Variants in NEMP2 observed in about 807,000 individuals in gnomAD.
The protein encoded by NEMP2 is nuclear envelope integral membrane protein 2.
In NEMP2, 53 loss-of-function variants were observed where a neutral mutation model predicts 54.2. That is an observed-to-expected ratio of 0.98 (90% confidence interval 0.78 to 1.23). The LOEUF is 1.23. Among genes scored for constraint, NEMP2 ranks in the 50% most tolerant of loss-of-function variants. The pLI, the probability that NEMP2 is intolerant of heterozygous loss-of-function variation, is 0.00. For synonymous variants in NEMP2, 197 were observed against 190.3 expected (o/e 1.04, Z -0.29); for missense variants, 455 against 511.3 (o/e 0.89, Z 1.06).
At chr2:190,627,929 G>C in the NEMP2 span, 2 of 152,138 alleles carry the variant, frequency 1.3e-5, no homozygotes, top group Non-Finnish European at 2.9e-5. The surrounding 1 kb of genome is among the most constrained non-coding windows in gnomAD (Gnocchi z 4.4). Context: ...AGACTGCATC[G>C]CGCAGGCCAC....
chr2:190,609,747 AG>A, the NEMP2 span: 2 of 152,230 alleles, frequency 1.3e-5, no homozygotes, highest in African/African-American at 4.8e-5. The surrounding 1 kb of genome is among the most constrained non-coding windows in gnomAD (Gnocchi z 4.7). Context: ...ATTTATCACA[AG>A]ATCATAGGGA....
the NEMP2 span, chr2:190,469,442 TA>T: frequency 6.3e-6 from 1 of 158,676 alleles, no homozygotes; most frequent in Non-Finnish European, 1.4e-5. The surrounding 1 kb of genome is among the most constrained non-coding windows in gnomAD (Gnocchi z 5.3). Context: ...CAGACTATCT[TA>T]AAAAAGCATC....
chr2:190,622,955 A>G, the NEMP2 span, among the ~76,000 whole-genome samples: 1 of 152,164 alleles, frequency 6.6e-6, no homozygotes, highest in Admixed American at 6.5e-5. Flanking sequence ...TCCACCAAAA[A>G]ACTAGAACAG....
the NEMP2 span, among the ~76,000 whole-genome samples, chr2:190,640,298 C>A: frequency 6.6e-6 from 1 of 152,096 alleles, no homozygotes; most frequent in Non-Finnish European, 1.5e-5. Flanking sequence ...GGACATGTTG[C>A]AACTCTTGGT....
the NEMP2 span, among the ~76,000 whole-genome samples, chr2:190,458,337 A>C: frequency 6.6e-6 from 1 of 152,110 alleles, no homozygotes; most frequent in Non-Finnish European, 1.5e-5. This position sits in a 1 kb window ranked among gnomAD's most constrained non-coding sequence, Gnocchi z 5.3. Context: ...TGTCCTCGTG[A>C]GAAGAGATTG....
chr2:190,510,938 ACTT>A lies in NEMP2; in HGVS notation c.954-404_954-402del, dbSNP rs1039271763. ...TTTCTTAGATGGTAACAGTAATAATACTTCTTAACTTCCTCTATATCATATCTA... is the reference window on the plus strand; with the variant it reads ...TTTCTTAGATGGTAACAGTAATAATACTTAACTTCCTCTATATCATATCTA... On this transcript the variant is annotated intron_variant, in intron 7 of 8. Coordinates refer to ENST00000409150, the MANE Select transcript of NEMP2 (RefSeq NM_001142645.2). The surrounding 1 kb of genome is among the most constrained non-coding windows in gnomAD (Gnocchi z 5.7). 2.0e-5 allele frequency among the ~76,000 whole-genome samples: 3 copies of A among 152,102 alleles called. No homozygotes were observed. Among genetic ancestry groups the A allele is most frequent in the African/African-American group, 7.2e-5 (3 of 41,422 alleles).
chr2:190,562,625 G>A, the NEMP2 span, among the ~76,000 whole-genome samples: 34 of 152,044 alleles, frequency 2.2e-4, no homozygotes, highest in African/African-American at 6.8e-4. This position sits in a 1 kb window ranked among gnomAD's most constrained non-coding sequence, Gnocchi z 5.0. Flanking sequence ...GCAAAATATG[G>A]GAAAATATGT....
the NEMP2 span, among the ~76,000 whole-genome samples, chr2:190,499,285 G>A: frequency 6.6e-6 from 1 of 152,136 alleles, no homozygotes; most frequent in Non-Finnish European, 1.5e-5. This position sits in a 1 kb window ranked among gnomAD's most constrained non-coding sequence, Gnocchi z 6.0. Context: ...TAGAATCACA[G>A]AAATGAACAT....
chr2:190,564,129 T>A, the NEMP2 span, among the ~76,000 whole-genome samples: 1 of 152,244 alleles, frequency 6.6e-6, no homozygotes, highest in Non-Finnish European at 1.5e-5. The surrounding 1 kb of genome is among the most constrained non-coding windows in gnomAD (Gnocchi z 4.2). Flanking sequence ...ATATGCCACA[T>A]GGTGTGAACA....
chr2:190,431,375 G>A, the NEMP2 span, among the ~76,000 whole-genome samples: 1 of 152,234 alleles, frequency 6.6e-6, no homozygotes, highest in Non-Finnish European at 1.5e-5. The surrounding 1 kb of genome is among the most constrained non-coding windows in gnomAD (Gnocchi z 4.4). Flanking sequence ...GGAGGTTGTA[G>A]CGAGCCGAGA....
At chr2:190,526,256 A>G (rs1195973065) in intron 1 of NEMP2, among the ~76,000 whole-genome samples, 4 of 152,146 alleles carry the variant, frequency 2.6e-5, no homozygotes, top group Non-Finnish European at 5.9e-5. Flanking sequence ...GGGTACCTCA[A>G]CCTGTCTCTC....
the NEMP2 span, among the ~76,000 whole-genome samples, chr2:190,468,863 CAG>C: frequency 5.3e-5 from 8 of 152,018 alleles, no homozygotes; most frequent in African/African-American, 1.9e-4. Context: ...ATTCAGAAAA[CAG>C]AGCATTAAGG....
the NEMP2 span, among the ~76,000 whole-genome samples, chr2:190,465,231 G>T: frequency 6.6e-6 from 1 of 152,140 alleles, no homozygotes; most frequent in Non-Finnish European, 1.5e-5. This position sits in a 1 kb window ranked among gnomAD's most constrained non-coding sequence, Gnocchi z 4.6. Context: ...GTTTTCTGCT[G>T]CATCATTTGC....
chr2:190,595,723 G>A, the NEMP2 span, among the ~76,000 whole-genome samples: 1 of 152,258 alleles, frequency 6.6e-6, no homozygotes, highest in South Asian at 2.1e-4. This position sits in a 1 kb window ranked among gnomAD's most constrained non-coding sequence, Gnocchi z 4.0. Flanking sequence ...CAGTTAGAAT[G>A]GTGATCATTA....
intron 4 of NEMP2, among the ~76,000 whole-genome samples, chr2:190,518,113 T>G (rs1460890756): frequency 6.6e-6 from 1 of 152,150 alleles, no homozygotes; most frequent in East Asian, 1.9e-4. Context: ...TGAACAATGT[T>G]AAGAATAGCT....
chr2:190,630,551 C>T, the NEMP2 span, among the ~76,000 whole-genome samples: 1 of 152,146 alleles, frequency 6.6e-6, no homozygotes, highest in Non-Finnish European at 1.5e-5. The surrounding 1 kb of genome is among the most constrained non-coding windows in gnomAD (Gnocchi z 5.5). Flanking sequence ...ATTAGGCATC[C>T]ACCTTACAGT....
the NEMP2 span, among the ~76,000 whole-genome samples, chr2:190,439,826 C>G: frequency 1.3e-5 from 2 of 152,146 alleles, no homozygotes; most frequent in African/African-American, 2.4e-5. The surrounding 1 kb of genome is among the most constrained non-coding windows in gnomAD (Gnocchi z 5.8). Flanking sequence ...TTAATTATTT[C>G]AAGTGCTTTT....
chr2:190,512,719 TGGG>T lies in NEMP2; in HGVS notation c.953+1731_953+1733del, dbSNP rs926248617. On this transcript the variant is annotated intron_variant, in intron 7 of 8. Transcript: ENST00000409150. The surrounding 1 kb of genome is among the most constrained non-coding windows in gnomAD (Gnocchi z 4.5). ...AAAGGGCCAGGGACCTGGAAGATGT[TGGG>T]GGACCAGCCTCACTGACAAAAGACC... Among the ~76,000 whole-genome samples, 1 of 152,186 alleles carries T rather than the reference TGGG, an allele frequency of 6.6e-6. No homozygotes were observed. Among genetic ancestry groups the T allele is most frequent in the Non-Finnish European group, 1.5e-5 (1 of 68,028 alleles).
chr2:190,645,784 G>A, the NEMP2 span, among the ~76,000 whole-genome samples: 9 of 152,148 alleles, frequency 5.9e-5, no homozygotes, highest in Non-Finnish European at 1.0e-4. Context: ...TGCATTCGAC[G>A]AAGTATTACA....
Sources: gnomAD v4.1 joint callset for allele counts (sites outside exome capture counted in the v4.1 genomes callset) on GRCh38, gnomAD v4.1.1 for gene constraint, Gnocchi (gnomAD v3.1) non-coding constraint, MANE v1.5 for transcripts, NCBI Gene and HGNC (gene_info 2026-07-23, HGNC 2026-07-21) for gene names.